Variants in TYW1 observed in about 807,000 individuals in gnomAD.
TYW1 encodes the protein S-adenosyl-L-methionine-dependent tRNA 4-demethylwyosine synthase TYW1.
TYW1 carries 46 observed loss-of-function variants against 96.2 expected under a neutral mutation model. The ratio of observed to expected loss-of-function variants is 0.48; its 90% CI spans 0.38 to 0.61. The LOEUF is 0.61. Among genes scored for constraint, TYW1 ranks in the 20% least tolerant of loss-of-function variants. The pLI is 0.00. For synonymous variants in TYW1, 274 were observed against 323.0 expected, an observed-to-expected ratio of 0.85 and a Z score of 1.63; for missense variants, 684 against 909.6, an observed-to-expected ratio of 0.75 and a Z score of 3.19.
At chr7:67,154,136 A>G (rs1211899307) in intron 13 of TYW1, among the ~76,000 whole-genome samples, 2 of 151,824 alleles carry the variant, frequency 1.3e-5, no homozygotes, top group African/African-American at 2.4e-5. Flanking sequence ...GTTAGCCAGG[A>G]TGGTCTTGAT....
intron 5 of TYW1, among the ~76,000 whole-genome samples, chr7:67,015,352 A>T (rs1266749951): frequency 2.0e-5 from 3 of 151,828 alleles, no homozygotes; most frequent in Non-Finnish European, 2.9e-5. Context: ...TTTTTTTTTA[A>T]AATTATGTTT....
At chr7:67,077,632 C>T (rs1264601948) in intron 10 of TYW1, among the ~76,000 whole-genome samples, 1 of 152,116 alleles carries the variant, frequency 6.6e-6, no homozygotes, top group Non-Finnish European at 1.5e-5. Flanking sequence ...TTTGTATATT[C>T]TGGATATTAA....
intron 6 of TYW1, among the ~76,000 whole-genome samples, chr7:67,018,423 C>G (rs1183226748): frequency 6.6e-6 from 1 of 151,838 alleles, no homozygotes; most frequent in Non-Finnish European, 1.5e-5. Context: ...TGCCTGTTGT[C>G]TCAGCTACGT....
rs111245064 is a variant in TYW1, at chr7:67,122,977, A to G, written c.1698+5359A>G. 2.4e-3 allele frequency among the ~76,000 whole-genome samples: 359 copies of G among 152,330 alleles called. 2 individuals are homozygous for G. Among genetic ancestry groups the G allele is most frequent in the Middle Eastern group, 0.014 (4 of 294 alleles). ...TGAGACTTTCACAAAGGAGAAGCATAAGATAATGGTACATTAAATCATGGC... is the reference window on the plus strand; with the variant it reads ...TGAGACTTTCACAAAGGAGAAGCATGAGATAATGGTACATTAAATCATGGC... On this transcript the variant is annotated intron_variant, in intron 13 of 15. Coordinates refer to ENST00000359626, the MANE Select transcript of TYW1 (RefSeq NM_018264.4).
At chr7:66,998,723 TAA>T in intron 2 of TYW1, 92 bp from the exon 3 acceptor site, 1 of 1,401,490 alleles carries the variant, frequency 7.1e-7, no homozygotes, top group Non-Finnish European at 9.8e-7. Context: ...AAGAGAAAAA[TAA>T]AATGTGTCAG....
At chr7:67,209,133 C>G (rs531239270) in intron 15 of TYW1, among the ~76,000 whole-genome samples, 2 of 152,266 alleles carry the variant, frequency 1.3e-5, no homozygotes, top group African/African-American at 4.8e-5. Context: ...TAGAAGGGTG[C>G]AGAAAGCTCA....
chr7:67,031,913 A>G (rs1392563998), intron 7 of TYW1, among the ~76,000 whole-genome samples: 3 of 152,254 alleles, frequency 2.0e-5, no homozygotes, highest in Non-Finnish European at 2.9e-5. Flanking sequence ...TATGATGTAT[A>G]GCAAGACACA....
chr7:67,066,137 C>T (rs1795862323), intron 9 of TYW1, among the ~76,000 whole-genome samples: 1 of 152,110 alleles, frequency 6.6e-6, no homozygotes, highest in Non-Finnish European at 1.5e-5. Context: ...GTCACTTGGC[C>T]TCAAAATCAG....
chr7:67,114,921 G>A (rs1185407417), intron 12 of TYW1, among the ~76,000 whole-genome samples: 1 of 151,774 alleles, frequency 6.6e-6, no homozygotes, highest in African/African-American at 2.4e-5. Flanking sequence ...GAGATCTGTA[G>A]ACTTCCTTGA....
intron 11 of TYW1, chr7:67,089,180 C>T: frequency 3.2e-6 from 2 of 622,892 alleles, no homozygotes; most frequent in Non-Finnish European, 5.0e-6. Flanking sequence ...CACAACCCCT[C>T]CCTCGCCACC....
At chr7:67,215,319 G>C (rs1437767130) in intron 15 of TYW1, among the ~76,000 whole-genome samples, 1 of 152,012 alleles carries the variant, frequency 6.6e-6, no homozygotes. Context: ...AAATTCTCAA[G>C]ACAAAATTAA....
At chr7:67,214,597 C>G (rs1363026922) in intron 15 of TYW1, among the ~76,000 whole-genome samples, 1 of 152,092 alleles carries the variant, frequency 6.6e-6, no homozygotes, top group African/African-American at 2.4e-5. Flanking sequence ...GGGGGAATAT[C>G]TAGCTTCTCA....
chr7:67,163,240 T>C (rs1406773573), intron 13 of TYW1, among the ~76,000 whole-genome samples: 2 of 152,156 alleles, frequency 1.3e-5, no homozygotes, highest in Non-Finnish European at 2.9e-5. Flanking sequence ...ACTCATTTGA[T>C]TTTCCCAAAG....
chr7:67,109,273 C>CAA (rs1203625487), intron 12 of TYW1, among the ~76,000 whole-genome samples: 1,641 of 47,860 alleles, frequency 0.034, 54 homozygotes, highest in Middle Eastern at 0.074. Context: ...GACTCCGTCT[C>CAA]AAAAAAAAAA....
At chr7:67,236,897 A>G (rs1310880814) in intron 15 of TYW1, among the ~76,000 whole-genome samples, 3 of 151,504 alleles carry the variant, frequency 2.0e-5, no homozygotes, top group Admixed American at 1.3e-4. Context: ...TCTTATTTTT[A>G]TTTTTGAGAT....
chr7:67,092,662 G>A (rs1006662989), intron 11 of TYW1, among the ~76,000 whole-genome samples: 10 of 141,700 alleles, frequency 7.1e-5, no homozygotes, highest in African/African-American at 2.6e-4. Context: ...TTTTCCACGT[G>A]CCTATCACCT....
At chr7:67,119,697 TCTTAG>T (rs1306255604) in intron 13 of TYW1, among the ~76,000 whole-genome samples, 1 of 152,168 alleles carries the variant, frequency 6.6e-6, no homozygotes, top group East Asian at 1.9e-4. Context: ...TTCTGTTTTG[TCTTAG>T]CTGCTCTCTC....
intron 11 of TYW1, among the ~76,000 whole-genome samples, chr7:67,087,321 C>T (rs2115795653): frequency 6.6e-6 from 1 of 152,244 alleles, no homozygotes; most frequent in South Asian, 2.1e-4. Context: ...TAACGTTAAT[C>T]AGCAGGCATC....
intron 14 of TYW1, among the ~76,000 whole-genome samples, chr7:67,185,933 T>C (rs1800003468): frequency 7.1e-6 from 1 of 140,652 alleles, no homozygotes; most frequent in Admixed American, 7.4e-5. Context: ...GCTTTTGGTG[T>C]TACTCTAGAG....
Sources: gnomAD v4.1 joint callset for allele counts (sites outside exome capture counted in the v4.1 genomes callset) on GRCh38, gnomAD v4.1.1 for gene constraint, MANE v1.5 for transcripts, NCBI Gene and HGNC (gene_info 2026-07-23, HGNC 2026-07-21) for gene names.